THAP6: variants seen among roughly 807,000 people sequenced by gnomAD.
The protein encoded by THAP6 is THAP domain containing 6, also known as THAP domain-containing protein 6.
Under a neutral mutation model 20.0 loss-of-function variants are expected in THAP6, and 13 were observed. That is an observed-to-expected ratio of 0.65 (90% CI 0.42 to 1.03). The LOEUF (loss-of-function observed/expected upper bound fraction) is 1.03, where lower values mean the gene tolerates loss of function less well. THAP6 is among the 50% of genes least tolerant of loss of function. THAP6 has a pLI of 0.00. For missense variants in THAP6, 262 were observed against 261.6 expected (o/e 1.00, Z -0.01); for synonymous variants, 93 against 92.2 (o/e 1.01, Z -0.05).
intron 2 of THAP6, chr4:75,542,324 T>G: frequency 1.5e-6 from 1 of 653,858 alleles, no homozygotes; most frequent in Non-Finnish European, 2.8e-6. Context: ...TTCAGAGTAC[T>G]GATATCTGGG....
chr4:75,535,316 T>C (rs1187307223), intron 2 of THAP6, among the ~76,000 whole-genome samples: 1 of 152,140 alleles, frequency 6.6e-6, no homozygotes, highest in African/African-American at 2.4e-5. Flanking sequence ...GTATCACCAG[T>C]TATTTGATGA....
At chr4:75,541,056 A>G (rs1726988911) in intron 2 of THAP6, among the ~76,000 whole-genome samples, 2 of 143,632 alleles carry the variant, frequency 1.4e-5, no homozygotes, top group Non-Finnish European at 2.9e-5. Context: ...ACTCACCAGG[A>G]CACCATAAAG....
chr4:75,545,717 T>C (rs896966761), intron 3 of THAP6, among the ~76,000 whole-genome samples: 2 of 152,184 alleles, frequency 1.3e-5, no homozygotes, highest in African/African-American at 4.8e-5. Flanking sequence ...CGTGGCTCTG[T>C]GAGAAGAATG....
chr4:75,521,818 G>T lies in THAP6; in HGVS notation c.371G>T (p.Gly124Val). Residue 124 changes from glycine to valine, a missense_variant, in exon 4 of 5, where the codon GGT becomes GTT. Physicochemically the swap from Gly to Val is moderately radical, Grantham distance 109. Transcript: ENST00000311638. ...ACTAACTACAATCACCATCTTGTTG[G>T]TGCTTCCTCATGTATTGAAGAATTC... ...PATNYNHHLV[G>V]ASSCIEEFQS... is the part of the protein sequence containing the mutation. 1 of 1,613,382 alleles carries T rather than the reference G, an allele frequency of 6.2e-7. No individual in the cohort carries two copies. Among genetic ancestry groups the T allele is most frequent in the Non-Finnish European group, 8.5e-7 (1 of 1,179,574 alleles).
intron 2 of THAP6, chr4:75,542,352 A>G: frequency 1.4e-6 from 1 of 692,660 alleles, no homozygotes; most frequent in Non-Finnish European, 2.6e-6. Flanking sequence ...GCATGCTCTA[A>G]TAGAGCTGAT....
chr4:75,514,313 C>G (rs1369411798), upstream of THAP6: 2 of 1,600,394 alleles, frequency 1.2e-6, no homozygotes, highest in South Asian at 1.1e-5. Context: ...CACATTCCAC[C>G]GATCCTTCCC....
At chr4:75,520,035 A>G (rs1179164748) in intron 3 of THAP6, among the ~76,000 whole-genome samples, 3 of 151,714 alleles carry the variant, frequency 2.0e-5, no homozygotes, top group East Asian at 1.9e-4. Flanking sequence ...CTGGTGTGAG[A>G]TGGTATCTCA....
chr4:75,539,887 A>G (rs747497036), intron 2 of THAP6: 110 of 1,536,008 alleles, frequency 7.2e-5, no homozygotes, highest in Middle Eastern at 5.0e-4. Flanking sequence ...CAAGAACAGG[A>G]AGAAGAACAA....
chr4:75,530,428 C>T (rs1726645265), downstream of THAP6, among the ~76,000 whole-genome samples: 2 of 152,204 alleles, frequency 1.3e-5, no homozygotes, highest in Non-Finnish European at 2.9e-5. Context: ...CTGGATACTT[C>T]TCCCCCAAAA....
intron 3 of THAP6, among the ~76,000 whole-genome samples, chr4:75,543,335 C>T (rs1046724894): frequency 1.3e-5 from 2 of 152,150 alleles, no homozygotes; most frequent in Non-Finnish European, 2.9e-5. Flanking sequence ...TTTAGCAAAC[C>T]ACTTGTGGCA....
chr4:75,530,228 A>G (rs1296266343), downstream of THAP6, among the ~76,000 whole-genome samples: 2 of 152,146 alleles, frequency 1.3e-5, no homozygotes, highest in African/African-American at 2.4e-5. Context: ...ATTGGCCCTC[A>G]CTCAAAACTG....
chr4:75,530,650 G>A (rs1377714413), downstream of THAP6, among the ~76,000 whole-genome samples: 1 of 152,068 alleles, frequency 6.6e-6, no homozygotes, highest in African/African-American at 2.4e-5. Flanking sequence ...ATAACCTTGG[G>A]GACAAGACCA....
chr4:75,530,390 AG>A (rs1168569907), downstream of THAP6, among the ~76,000 whole-genome samples: 1 of 152,206 alleles, frequency 6.6e-6, no homozygotes, highest in African/African-American at 2.4e-5. Context: ...CTTACTTTAG[AG>A]GGGATGTCTT....
chr4:75,527,813 C>T lies in THAP6; in HGVS notation c.*599C>T. On this transcript the variant is annotated 3_prime_UTR_variant, in exon 5 of 5. Transcript: ENST00000311638. The stretch of plus-strand genomic sequence containing the variant: ...GTTCACAGCCAATTTAAGAAGACCC[C>T]TCATGAAGTCTCAGTTTTCAGTACA... 5 of 985,992 alleles carry T rather than the reference C, an allele frequency of 5.1e-6. No homozygotes were observed. Among genetic ancestry groups the T allele is most frequent in the Non-Finnish European group, 4.8e-6 (4 of 830,394 alleles). The allele number at this position is 985,992 out of a possible 1,614,324, so 61.1% of individuals were successfully genotyped here. A position where few individuals can be genotyped will look rare whatever the true frequency, so the allele number is the denominator to read the frequency against.
intron 3 of THAP6, among the ~76,000 whole-genome samples, 175 bp from the exon 4 acceptor site, chr4:75,521,561 T>A (rs1035239558): frequency 6.6e-6 from 1 of 152,128 alleles, no homozygotes; most frequent in Non-Finnish European, 1.5e-5. Flanking sequence ...AACCTTAGAG[T>A]TGATTTCAGA....
At chr4:75,521,008 T>C (rs1817387) in intron 3 of THAP6, among the ~76,000 whole-genome samples, 103,098 of 151,962 alleles carry the variant, frequency 0.68, 36,086 homozygotes, top group African/African-American at 0.86. Context: ...CACTGGATAT[T>C]GAGGATAGGA....
At chr4:75,546,327 A>C (rs1465587977) in intron 3 of THAP6, among the ~76,000 whole-genome samples, 1 of 152,162 alleles carries the variant, frequency 6.6e-6, no homozygotes, top group Non-Finnish European at 1.5e-5. Flanking sequence ...CTTCACCAGC[A>C]CCTTTCTGAA....
In THAP6 at chr4:75,527,092, T is replaced by C. The variant is rs150566447; in HGVS notation, c.547T>C (p.Leu183=). The C allele has an allele frequency of 7.4e-6, 12 of 1,613,948 alleles. No homozygotes were observed. The highest frequency in any genetic ancestry group is 6.7e-5 in the African/African-American group (5 of 74,906). Residue 183 remains leucine, a synonymous_variant, in exon 5 of 5, where the codon TTG becomes CTG. Transcript: ENST00000311638. ...LDREKRFQKS[L]RKTIRELKDE... is the part of the protein sequence containing the mutation. The stretch of plus-strand genomic sequence containing the variant: ...CCGAGAAAAACGTTTTCAGAAATCA[T>C]TGAGGAAGACAATCAGGGAATTAAA...
At chr4:75,536,765 C>T (rs1434607117) in intron 2 of THAP6, among the ~76,000 whole-genome samples, 1 of 152,130 alleles carries the variant, frequency 6.6e-6, no homozygotes, top group African/African-American at 2.4e-5. Flanking sequence ...ACCTCAGCCT[C>T]CCGCAATCTG....
Sources: allele counts gnomAD v4.1 joint callset (sites outside exome capture counted in the v4.1 genomes callset), GRCh38; gene constraint gnomAD v4.1.1; transcripts MANE v1.5; gene names NCBI Gene and HGNC (gene_info 2026-07-23, HGNC 2026-07-21).